CNTNAP2: variants seen among roughly 807,000 people sequenced by gnomAD.
The protein encoded by CNTNAP2 is contactin associated protein 2.
Under a neutral mutation model 155.2 loss-of-function variants are expected in CNTNAP2, and 98 were observed. The observed-to-expected ratio is 0.63, with a 90% CI of 0.54 to 0.75. CNTNAP2 has a LOEUF of 0.75. Ranked by LOEUF, CNTNAP2 falls within the 30% of genes least tolerant of loss-of-function variation. The pLI, the probability that CNTNAP2 is intolerant of heterozygous loss-of-function variation, is 0.00. For missense variants in CNTNAP2, 1,727 were observed against 1,688.1 expected, an observed-to-expected ratio of 1.02 and a Z score of -0.40; for synonymous variants, 651 against 631.2, an observed-to-expected ratio of 1.03 and a Z score of -0.47.
chr7:147,417,195 T>C (rs916949584), intron 10 of CNTNAP2, among the ~76,000 whole-genome samples: 1 of 152,190 alleles, frequency 6.6e-6, no homozygotes, highest in African/African-American at 2.4e-5. Context: ...AGGCTTAGAA[T>C]ATTATAACTC....
At chr7:146,658,384 CAA>C (rs200493732) in intron 1 of CNTNAP2, among the ~76,000 whole-genome samples, 7 of 139,652 alleles carry the variant, frequency 5.0e-5, no homozygotes, top group Admixed American at 7.3e-5. Flanking sequence ...TGATTTCTGC[CAA>C]AAAAAAAAAA....
intron 3 of CNTNAP2, among the ~76,000 whole-genome samples, chr7:147,008,872 A>C (rs1798573670): frequency 6.6e-6 from 1 of 151,984 alleles, no homozygotes; most frequent in Non-Finnish European, 1.5e-5. Context: ...AAAATTGAGA[A>C]AGAGGAGAGA....
At chr7:147,817,988 G>T (rs2116617208) in intron 13 of CNTNAP2, among the ~76,000 whole-genome samples, 1 of 151,370 alleles carries the variant, frequency 6.6e-6, no homozygotes, top group East Asian at 1.9e-4. Context: ...TCTAAATGAT[G>T]AGTTTATGGG....
intron 5 of CNTNAP2, among the ~76,000 whole-genome samples, chr7:147,110,958 T>G (rs1442349636): frequency 6.6e-6 from 1 of 152,222 alleles, no homozygotes; most frequent in African/African-American, 2.4e-5. Flanking sequence ...CACGCTGTCT[T>G]CCACAATGAT....
chr7:148,413,118 G>C (rs550803779), intron 23 of CNTNAP2, among the ~76,000 whole-genome samples: 1 of 151,806 alleles, frequency 6.6e-6, no homozygotes, highest in Non-Finnish European at 1.5e-5. Context: ...GTGGCCAGGC[G>C]TAGCAGCTCA....
intron 9 of CNTNAP2, among the ~76,000 whole-genome samples, chr7:147,320,234 G>T (rs577677384): frequency 3.3e-4 from 51 of 152,282 alleles, no homozygotes; most frequent in Non-Finnish European, 5.7e-4. Flanking sequence ...GACACTTCCT[G>T]AAAGATGCTG....
intron 18 of CNTNAP2, among the ~76,000 whole-genome samples, chr7:148,217,000 T>C (rs1262319674): frequency 1.3e-5 from 2 of 152,272 alleles, no homozygotes; most frequent in Non-Finnish European, 2.9e-5. Flanking sequence ...CCCAGCCATA[T>C]GGAGCTGTGA....
intron 12 of CNTNAP2, among the ~76,000 whole-genome samples, chr7:147,616,469 C>A (rs1172702928): frequency 6.6e-6 from 1 of 152,144 alleles, no homozygotes; most frequent in African/African-American, 2.4e-5. Flanking sequence ...TGTCTTATAT[C>A]ATTTCCTACT....
chr7:146,655,365 G>T (rs547909515), intron 1 of CNTNAP2, among the ~76,000 whole-genome samples: 1 of 133,130 alleles, frequency 7.5e-6, no homozygotes, highest in Non-Finnish European at 1.5e-5. Flanking sequence ...AGTGAGTCGC[G>T]ATGGCACCAC....
At chr7:148,231,778 G>A (rs1175581594) in intron 20 of CNTNAP2, among the ~76,000 whole-genome samples, 2 of 152,126 alleles carry the variant, frequency 1.3e-5, no homozygotes, top group Non-Finnish European at 2.9e-5. Flanking sequence ...ACCTTGTTGG[G>A]TGGAAGGGGG....
In CNTNAP2 at chr7:146,478,481, G is replaced by A. The variant is rs1473606212; in HGVS notation, c.98-295790G>A. Among the ~76,000 whole-genome samples the A allele has an allele frequency of 5.3e-5, 8 of 152,022 alleles. 1 individual carries two copies. In the East Asian group the frequency reaches 5.8e-4, roughly 11 times the overall value. On this transcript the variant is annotated intron_variant, in intron 1 of 23. Coordinates refer to ENST00000361727, the MANE Select transcript of CNTNAP2 (RefSeq NM_014141.6). ...TTTGATTTGGTCTCACATCAGTAGC[G>A]GGCTTTGTTATGAGATCTAGGTATT...
intron 8 of CNTNAP2, chr7:147,161,991 A>C (rs546718373): frequency 1.3e-5 from 2 of 152,260 alleles, no homozygotes; most frequent in South Asian, 4.1e-4. Flanking sequence ...ATATGCTACC[A>C]AGGCCTATGC....
At chr7:147,158,318 A>G (rs576652585) in intron 8 of CNTNAP2, among the ~76,000 whole-genome samples, 1 of 152,236 alleles carries the variant, frequency 6.6e-6, no homozygotes, top group African/African-American at 2.4e-5. Flanking sequence ...AGCTTAAAAA[A>G]CACCTTTAAT....
intron 13 of CNTNAP2, among the ~76,000 whole-genome samples, chr7:147,766,717 G>GT (rs1197072656): frequency 1.3e-5 from 2 of 151,926 alleles, no homozygotes; most frequent in Non-Finnish European, 2.9e-5. Context: ...TAATTCTTTT[G>GT]TACAAAATTT....
intron 3 of CNTNAP2, among the ~76,000 whole-genome samples, chr7:146,857,283 G>A (rs1303031140): frequency 6.6e-6 from 1 of 151,978 alleles, no homozygotes; most frequent in African/African-American, 2.4e-5. Flanking sequence ...TAAGAATAAA[G>A]AGTAAAAGGA....
At chr7:148,190,246 T>C (rs977600020) in intron 18 of CNTNAP2, 1 of 152,396 alleles carries the variant, frequency 6.6e-6, no homozygotes, top group African/African-American at 2.4e-5. Context: ...GAGGCCACCA[T>C]GCTCAAGGAA....
At chr7:146,482,519 C>T (rs1297897489) in intron 1 of CNTNAP2, among the ~76,000 whole-genome samples, 5 of 151,624 alleles carry the variant, frequency 3.3e-5, no homozygotes, top group African/African-American at 9.7e-5. Context: ...CCGAGGCTGG[C>T]GGATCATAAG....
intron 15 of CNTNAP2, among the ~76,000 whole-genome samples, chr7:147,997,229 C>G (rs772037544): frequency 6.6e-6 from 1 of 152,168 alleles, no homozygotes; most frequent in Admixed American, 6.5e-5. Flanking sequence ...GGCAGTGTCA[C>G]GATGCCTCCG....
At chr7:147,025,484 A>AGGAG (rs1798900158) in intron 3 of CNTNAP2, among the ~76,000 whole-genome samples, 1 of 8,082 alleles carries the variant, frequency 1.2e-4, no homozygotes, top group African/African-American at 6.7e-4. Flanking sequence ...GGGGGAGGGG[A>AGGAG]CGGGAGGGGA....
Sources: allele counts gnomAD v4.1 joint callset (sites outside exome capture counted in the v4.1 genomes callset), GRCh38; gene constraint gnomAD v4.1.1; transcripts MANE v1.5; gene names NCBI Gene and HGNC (gene_info 2026-07-23, HGNC 2026-07-21).